The following GIGYF2 variants were observed in gnomAD, a reference collection of about 807,000 sequenced individuals.
GIGYF2 encodes GRB10 interacting GYF protein 2.
A neutral mutation model predicts 208.1 loss-of-function variants in GIGYF2; 25 were observed. That is an observed-to-expected ratio of 0.12 (90% CI 0.09 to 0.17). The LOEUF (loss-of-function observed/expected upper bound fraction) is 0.17. GIGYF2 is among the 10% of genes least tolerant of loss of function. The pLI is 1.00. For synonymous variants in GIGYF2, 534 were observed against 543.8 expected (o/e 0.98, Z 0.25); for missense variants, 1,302 against 1,579.4 (o/e 0.82, Z 2.98).
chr2:232,812,676 G>A lies in GIGYF2; in HGVS notation c.2107+185G>A, dbSNP rs144389731. 2.4e-3 allele frequency among the ~76,000 whole-genome samples: 371 copies of A among 151,944 alleles called. 1 individual carries two copies. The highest frequency in any genetic ancestry group is 0.018 in the South Asian group (85 of 4,806). On this transcript the variant is annotated intron_variant, in intron 18 of 28. Transcript: ENST00000373563. ...GTGTTACTGAAAATATACTTTTAAG[G>A]ATTTGTTTGAATTTATTTAGTGGAT... is the stretch of plus-strand genomic sequence containing the variant.
At chr2:232,824,845 T>G (rs1701201574) in intron 21 of GIGYF2, among the ~76,000 whole-genome samples, 1 of 151,576 alleles carries the variant, frequency 6.6e-6, no homozygotes, top group East Asian at 1.9e-4. Context: ...ACAGGCTGAC[T>G]CTCTTTTTAG....
chr2:232,844,000 A>G (rs370629832), intron 23 of GIGYF2, 46 bp from the exon 24 acceptor site: 353 of 1,567,428 alleles, frequency 2.3e-4, no homozygotes, highest in Non-Finnish European at 3.0e-4. Flanking sequence ...TATAACTATT[A>G]TCTAAAAACA....
chr2:232,767,556 A>C (rs1422075244), intron 8 of GIGYF2: 1 of 153,264 alleles, frequency 6.5e-6, no homozygotes, highest in Non-Finnish European at 1.5e-5. Context: ...ATAAGTGAAC[A>C]TATATGTATG....
At chr2:232,726,415 ACCGC>A (rs1697206419) in intron 2 of GIGYF2, among the ~76,000 whole-genome samples, 1 of 149,898 alleles carries the variant, frequency 6.7e-6, no homozygotes, top group African/African-American at 2.5e-5. Flanking sequence ...CCTTCTCCCC[ACCGC>A]CAAATACCCT....
chr2:232,804,381 GTTT>G (rs199519467), intron 14 of GIGYF2, among the ~76,000 whole-genome samples: 13 of 121,914 alleles, frequency 1.1e-4, no homozygotes, highest in African/African-American at 3.9e-4. Context: ...GAGCATCTCA[GTTT>G]TTTTTTTTTT....
intron 5 of GIGYF2, among the ~76,000 whole-genome samples, chr2:232,755,194 G>A (rs570276393): frequency 1.4e-4 from 21 of 152,076 alleles, no homozygotes; most frequent in South Asian, 2.1e-4. Flanking sequence ...TTTTTGAGAC[G>A]GAGTCTTGCT....
At chr2:232,789,263 G>T (rs896430384) in intron 9 of GIGYF2, among the ~76,000 whole-genome samples, 4 of 152,100 alleles carry the variant, frequency 2.6e-5, no homozygotes, top group Non-Finnish European at 5.9e-5. Context: ...ATGTGCGTGG[G>T]GGTGGGAACA....
At chr2:232,838,183 A>G (rs1701707898) in intron 22 of GIGYF2, among the ~76,000 whole-genome samples, 1 of 152,218 alleles carries the variant, frequency 6.6e-6, no homozygotes, top group Admixed American at 6.5e-5. Flanking sequence ...TTTGGTCTGT[A>G]GAACAGACCT....
intron 5 of GIGYF2, among the ~76,000 whole-genome samples, chr2:232,752,317 A>AG (rs1278333669): frequency 6.6e-6 from 1 of 152,140 alleles, no homozygotes; most frequent in African/African-American, 2.4e-5. Flanking sequence ...ACTTCTAGGG[A>AG]GGTAAATACT....
intron 23 of GIGYF2, among the ~76,000 whole-genome samples, chr2:232,843,442 A>G (rs1701889913): frequency 6.6e-6 from 1 of 151,862 alleles, no homozygotes; most frequent in Non-Finnish European, 1.5e-5. Flanking sequence ...AGGCGCCTGT[A>G]ATCCCAGCTA....
intron 8 of GIGYF2, chr2:232,765,949 G>C (rs556916615): frequency 4.3e-5 from 20 of 463,210 alleles, no homozygotes; most frequent in African/African-American, 3.7e-4. Context: ...ATGTGTGCAA[G>C]ACTTCATGAC....
At chr2:232,840,615 C>T (rs370493524) in intron 23 of GIGYF2, among the ~76,000 whole-genome samples, 1 of 152,268 alleles carries the variant, frequency 6.6e-6, no homozygotes, top group East Asian at 1.9e-4. Flanking sequence ...GAGTCTAAAA[C>T]AGGCAAGATT....
At position 232,730,755 on chromosome 2, in the gene GIGYF2, G is replaced by A. The variant is rs537854158; in HGVS notation, c.-43-4400G>A. On this transcript the variant is annotated intron_variant, in intron 2 of 28. Transcript: ENST00000373563. The stretch of plus-strand genomic sequence containing the variant: ...CTACTAAAAATACAAAAAATTAGCC[G>A]GGCGTAGTGGCGGGCGCCTGTAGTC... Among the ~76,000 whole-genome samples the A allele has an allele frequency of 2.0e-3, 304 of 148,570 alleles. 2 individuals are homozygous for A. Among genetic ancestry groups the A allele is most frequent in the African/African-American group, 7.1e-3 (286 of 40,540 alleles).
Position 232,840,091 on chromosome 2 carries a change from C to T in GIGYF2, c.2889+120C>T, listed in dbSNP as rs182535483. ...AGAATTGTTGTGTGTCTGAATTGGA[C>T]GTTCATTATTAAACTTCAGCCCATA... On this transcript the variant is annotated intron_variant, in intron 23 of 28. Transcript: ENST00000373563. 8.8e-5 allele frequency: 93 copies of T among 1,059,842 alleles called. 1 individual carries two copies. In the Admixed American group the frequency reaches 1.5e-3, roughly 17 times the overall value. The allele number at this position is 1,059,842 out of a possible 1,614,324, so 65.7% of individuals were successfully genotyped here.
rs746302709 is a variant in GIGYF2 at position 232,791,155 on chromosome 2, G to C, written c.1078G>C (p.Asp360His). ...AAATAAGAAAGAAGGAGAGAAAACA[G>C]ATAGAGTAGGAGTTGGTAAGGCCTC... The part of the protein sequence containing the change: ...KTNKKEGEKT[D>H]RVGVEASEET... The change falls in exon 11 of 29, where the codon GAT becomes CAT. Residue 360 changes from aspartate to histidine, a missense_variant. By Grantham distance (81) the Asp-to-His change is moderately conservative. This residue lies in a region of GIGYF2 where 235 missense variants were observed against 218.8 expected (regional missense o/e 1.07). Coordinates refer to ENST00000373563, the MANE Select transcript of GIGYF2 (RefSeq NM_001103146.3). The C allele has an allele frequency of 3.1e-6, 5 of 1,613,882 alleles. No individual in the cohort carries two copies. The highest frequency in any genetic ancestry group is 1.3e-5 in the African/African-American group (1 of 74,904).
At chr2:232,714,194 G>A (rs58520085) in intron 2 of GIGYF2, among the ~76,000 whole-genome samples, 15,269 of 152,026 alleles carry the variant, frequency 0.1, 1,107 homozygotes, top group African/African-American at 0.19. Context: ...CTCGTGATCC[G>A]CCCGTCTCGG....
intron 8 of GIGYF2, 140 bp from the exon 9 acceptor site, chr2:232,787,010 C>G (rs958194563): frequency 3.1e-6 from 2 of 635,350 alleles, no homozygotes; most frequent in Non-Finnish European, 5.5e-6. Flanking sequence ...ATACATATAC[C>G]CACTGTTATT....
chr2:232,825,728 T>G (rs1056062296), intron 21 of GIGYF2, among the ~76,000 whole-genome samples: 1 of 152,108 alleles, frequency 6.6e-6, no homozygotes, highest in African/African-American at 2.4e-5. Context: ...TTTTTTTAAT[T>G]AAGTTCTAGG....
At chr2:232,715,594 A>AG (rs1389591712) in intron 2 of GIGYF2, among the ~76,000 whole-genome samples, 15 of 151,898 alleles carry the variant, frequency 9.9e-5, no homozygotes, top group African/African-American at 3.1e-4. Flanking sequence ...AAAAAAAAAA[A>AG]GTTCTTTGTT....
Sources: allele counts gnomAD v4.1 joint callset (sites outside exome capture counted in the v4.1 genomes callset), GRCh38; gene constraint gnomAD v4.1.1; regional missense constraint gnomAD v4.1.1; transcripts MANE v1.5; gene names NCBI Gene and HGNC (gene_info 2026-07-23, HGNC 2026-07-21).